Variants in FAP observed in about 807,000 individuals in gnomAD.
FAP encodes the protein prolyl endopeptidase FAP.
Under a neutral mutation model 126.5 loss-of-function variants are expected in FAP, and 110 were observed. That is an observed-to-expected ratio of 0.87 (90% CI 0.74 to 1.02). The LOEUF (loss-of-function observed/expected upper bound fraction) is 1.02. Ranked by LOEUF, FAP falls within the 50% of genes least tolerant of loss-of-function variation. The pLI, the probability that FAP is intolerant of heterozygous loss-of-function variation, is 0.00. For missense variants in FAP, 919 were observed against 909.2 expected (o/e 1.01, Z -0.14); for synonymous variants, 334 against 297.3 (o/e 1.12, Z -1.27).
intron 2 of FAP, among the ~76,000 whole-genome samples, chr2:162,238,261 C>G (rs1690217508): frequency 6.6e-6 from 1 of 151,996 alleles, no homozygotes; most frequent in Non-Finnish European, 1.5e-5. Context: ...GTCTGTGGTT[C>G]TTAAAAACTT....
intron 17 of FAP, chr2:162,194,044 T>G (rs1250013293): frequency 2.0e-5 from 3 of 152,148 alleles, no homozygotes; most frequent in Admixed American, 2.0e-4. Flanking sequence ...CGAGCAAAAC[T>G]GGTCGTCTTT....
At chr2:162,176,396 T>A (rs1687483151) in intron 21 of FAP, 1 of 152,194 alleles carries the variant, frequency 6.6e-6, no homozygotes, top group African/African-American at 2.4e-5. Flanking sequence ...GCTCAGATTG[T>A]ACCATGGCCT....
chr2:162,186,559 T>C (rs1190657600), intron 20 of FAP, among the ~76,000 whole-genome samples: 1 of 152,084 alleles, frequency 6.6e-6, no homozygotes, highest in Non-Finnish European at 1.5e-5. Context: ...ACATATTTTG[T>C]TGTTACTGGT....
At chr2:162,201,242 T>C (rs1261467609) in intron 14 of FAP, among the ~76,000 whole-genome samples, 1 of 141,888 alleles carries the variant, frequency 7.0e-6, no homozygotes, top group Non-Finnish European at 1.5e-5. Context: ...ACTGTCATTA[T>C]TTTTCCCCCA....
chr2:162,235,320 G>A (rs1057272943), intron 2 of FAP, among the ~76,000 whole-genome samples: 7 of 152,226 alleles, frequency 4.6e-5, no homozygotes, highest in Admixed American at 2.0e-4. Context: ...CGGGACTGGC[G>A]GGCAGCTCCA....
chr2:162,171,120 C>A, intron 25 of FAP, 40 bp from the exon 26 acceptor site: 9 of 1,514,546 alleles, frequency 5.9e-6, no homozygotes, highest in South Asian at 1.1e-5. Context: ...TTCCTGCAGT[C>A]ATCAAATGCA....
intron 12 of FAP, chr2:162,209,577 A>AT (rs139928746): frequency 0.033 from 5,537 of 166,058 alleles, 281 homozygotes; most frequent in African/African-American, 0.12. Context: ...TACCCAATGT[A>AT]TTTTTTTTTG....
intron 17 of FAP, among the ~76,000 whole-genome samples, chr2:162,191,052 G>A (rs1201249534): frequency 6.6e-6 from 1 of 152,086 alleles, no homozygotes; most frequent in Non-Finnish European, 1.5e-5. Flanking sequence ...AAGTACAGTA[G>A]AGCCAACCCT....
Position 162,188,376 on chromosome 2 carries a change from CA to C in FAP, c.1620-14del, listed in dbSNP as rs572215742. The C allele has an allele frequency of 9.4e-6, 15 of 1,593,572 alleles. No individual in the cohort carries two copies. The African/African-American group carries it at 1.4e-4, about 15-fold the overall frequency. ...GGGACCACCATACCTAAAGGAAAAA[CA>C]AAAAAAACAAGAATCTTTGATTGCT... On this transcript the variant is annotated splice_polypyrimidine_tract_variant and intron_variant, in intron 19 of 25. Coordinates refer to ENST00000188790, the MANE Select transcript of FAP (RefSeq NM_004460.5).
intron 12 of FAP, among the ~76,000 whole-genome samples, chr2:162,209,203 G>A (rs556777540): frequency 3.9e-5 from 6 of 152,002 alleles, no homozygotes; most frequent in Non-Finnish European, 5.9e-5. Flanking sequence ...TGCATAATGC[G>A]TCCAAATCTT....
chr2:162,188,076 A>T (rs960347409), intron 20 of FAP, 93 bp downstream of exon 20: 3 of 1,065,404 alleles, frequency 2.8e-6, no homozygotes, highest in Admixed American at 2.2e-5. Flanking sequence ...AAAGAAAAAC[A>T]AAAGAATTAA....
Position 162,219,044 on chromosome 2 carries a change from G to A in FAP, c.607+19C>T, listed in dbSNP as rs145803887. The A allele has an allele frequency of 6.3e-4, 996 of 1,574,294 alleles. 12 individuals carry two copies. The Admixed American group carries it at 0.017, about 27-fold the overall frequency. On this transcript the variant is annotated intron_variant, in intron 8 of 25. Coordinates refer to ENST00000188790, the MANE Select transcript of FAP (RefSeq NM_004460.5). ...TTAAAAGCCTAAAGCATTAGCAGTA[G>A]AAAAGGAATACAGCTTACCTTCATA...
intron 2 of FAP, among the ~76,000 whole-genome samples, chr2:162,241,726 A>G (rs1559800851): frequency 6.6e-6 from 1 of 152,188 alleles, no homozygotes; most frequent in East Asian, 1.9e-4. Context: ...TCTGAAAACA[A>G]TTTTAACATG....
intron 25 of FAP, chr2:162,172,503 G>GCATATAATTGCACTTATTCA (rs1422889092): frequency 1.5e-5 from 4 of 261,550 alleles, no homozygotes; most frequent in African/African-American, 8.7e-5. Context: ...GGGACTCTAA[G>GCATATAATTGCACTTATTCA]CATATAATTG....
At chr2:162,172,526 T>C in intron 25 of FAP, 2 of 327,182 alleles carry the variant, frequency 6.1e-6, no homozygotes, top group East Asian at 5.5e-5. Flanking sequence ...CTTATTCACA[T>C]AGGATTTCAG....
At chr2:162,187,889 G>T (rs751803648) in intron 20 of FAP, among the ~76,000 whole-genome samples, 4 of 152,016 alleles carry the variant, frequency 2.6e-5, no homozygotes, top group African/African-American at 9.7e-5. Flanking sequence ...TGTAAGAAAT[G>T]GAACTAAATT....
At chr2:162,201,045 A>C (rs920999789) in intron 14 of FAP, among the ~76,000 whole-genome samples, 6 of 152,180 alleles carry the variant, frequency 3.9e-5, no homozygotes, top group African/African-American at 7.2e-5. Context: ...CAAATTGAGG[A>C]TATCACACTG....
intron 25 of FAP, chr2:162,171,952 A>T (rs1392529921): frequency 6.6e-6 from 1 of 152,110 alleles, no homozygotes; most frequent in Non-Finnish European, 1.5e-5. Context: ...ATTTTGAATT[A>T]TACAATCAAT....
At chr2:162,179,805 TATA>T (rs1258204080) in intron 21 of FAP, among the ~76,000 whole-genome samples, 41 of 140,224 alleles carry the variant, frequency 2.9e-4, no homozygotes, top group African/African-American at 5.4e-4. Context: ...TATATATATA[TATA>T]TATATTTTTT....
Sources: gnomAD v4.1 joint callset for allele counts (sites outside exome capture counted in the v4.1 genomes callset) on GRCh38, gnomAD v4.1.1 for gene constraint, MANE v1.5 for transcripts, NCBI Gene and HGNC (gene_info 2026-07-23, HGNC 2026-07-21) for gene names.